CFI: variants seen among roughly 807,000 people sequenced by gnomAD.
The protein encoded by CFI is complement factor I.
CFI carries 66 observed loss-of-function variants against 78.8 expected under a neutral mutation model. The ratio of observed to expected loss-of-function variants is 0.84; its 90% CI spans 0.69 to 1.03. The LOEUF (loss-of-function observed/expected upper bound fraction) is 1.03, where lower values mean the gene tolerates loss of function less well. Ranked by LOEUF, CFI falls within the 50% of genes least tolerant of loss-of-function variation. The probability of loss-of-function intolerance (pLI) is 0.00; values close to 1 mark genes in which losing one functional copy is unlikely to be tolerated. For synonymous variants in CFI, 250 were observed against 232.6 expected (o/e 1.07, Z -0.68); for missense variants, 706 against 704.5 (o/e 1.00, Z -0.02).
downstream of CFI, among the ~76,000 whole-genome samples, chr4:109,738,112 CTT>C (rs141891533): frequency 0.85 from 110,913 of 130,348 alleles, 48,047 homozygotes; most frequent in Non-Finnish European, 0.95. Flanking sequence ...GAGTACTTTT[CTT>C]TTTTTTTTTT....
chr4:109,752,598 C>A lies in CFI; in HGVS notation c.905-95G>T, dbSNP rs80236313. Reference sequence around the variant, plus strand: ...TTTAAACACTGATTATAATTTTCTGCCTTAAAACTTATCCTCCCTTTTATA... The same window carrying A: ...TTTAAACACTGATTATAATTTTCTGACTTAAAACTTATCCTCCCTTTTATA... On this transcript the variant is annotated intron_variant, in intron 7 of 12. Coordinates refer to ENST00000394634, the MANE Select transcript of CFI (RefSeq NM_000204.5). 1.2e-3 allele frequency: 1,266 copies of A among 1,067,032 alleles called. 12 individuals are homozygous for A. The African/African-American group carries it at 0.018, about 15-fold the overall frequency. The allele number at this position is 1,067,032 out of a possible 1,614,324, so 66.1% of individuals were successfully genotyped here. A position where few individuals can be genotyped will look rare whatever the true frequency, so the allele number is the denominator to read the frequency against.
At chr4:109,735,287 A>C in the CFI span, among the ~76,000 whole-genome samples, 17 of 152,260 alleles carry the variant, frequency 1.1e-4, no homozygotes, top group East Asian at 1.7e-3. Flanking sequence ...AACTTCCCAG[A>C]ACAATAATCA....
intron 10 of CFI, among the ~76,000 whole-genome samples, chr4:109,747,334 G>A (rs1724598080): frequency 7.0e-6 from 1 of 143,022 alleles, no homozygotes; most frequent in African/African-American, 2.6e-5. Context: ...ACAGGCATGT[G>A]CCACCACATT....
At chr4:109,788,958 T>C (rs1032360116) in intron 1 of CFI, among the ~76,000 whole-genome samples, 3 of 151,884 alleles carry the variant, frequency 2.0e-5, no homozygotes, top group Admixed American at 1.3e-4. Flanking sequence ...TTAACATTAC[T>C]AGGCAAGGAG....
intron 1 of CFI, among the ~76,000 whole-genome samples, chr4:109,797,812 G>A (rs899414542): frequency 1.1e-4 from 17 of 152,214 alleles, no homozygotes; most frequent in East Asian, 7.7e-4. Flanking sequence ...TACTTGAAAA[G>A]GTGTTTAATA....
chr4:109,776,694 A>C (rs556830616), intron 1 of CFI, among the ~76,000 whole-genome samples: 39 of 152,346 alleles, frequency 2.6e-4, no homozygotes, highest in Non-Finnish European at 2.9e-4. Context: ...GTTGAAATGA[A>C]GGAAAAAATA....
chr4:109,751,689 CT>C (rs1725160007), intron 8 of CFI, among the ~76,000 whole-genome samples: 1 of 152,132 alleles, frequency 6.6e-6, no homozygotes, highest in African/African-American at 2.4e-5. Flanking sequence ...AATCCGCCTG[CT>C]TTGGCCTCCC....
At chr4:109,766,877 T>C in intron 1 of CFI, 53 bp from the exon 2 acceptor site, 1 of 1,582,552 alleles carries the variant, frequency 6.3e-7, no homozygotes, top group Non-Finnish European at 8.7e-7. Context: ...GACTCCTGTT[T>C]GAAGATGAGT....
At chr4:109,751,822 A>G (rs1007772022) in intron 8 of CFI, among the ~76,000 whole-genome samples, 2 of 152,294 alleles carry the variant, frequency 1.3e-5, no homozygotes, top group Non-Finnish European at 1.5e-5. Flanking sequence ...GTCTACATGA[A>G]CTTCATTTAA....
chr4:109,749,330 G>C lies in CFI; in HGVS notation c.1045-9C>G. On this transcript the variant is annotated splice_polypyrimidine_tract_variant and intron_variant, in intron 9 of 12. Coordinates refer to ENST00000394634, the MANE Select transcript of CFI (RefSeq NM_000204.5). ...TGCCATGGGAGGTCTCCCTGTAAAA[G>C]ACATTTGTGTGGTCACTGCCATTCT... 1 of 1,611,364 alleles carries C rather than the reference G, an allele frequency of 6.2e-7. No homozygotes were observed. The highest frequency in any genetic ancestry group is 1.1e-5 in the South Asian group (1 of 91,042).
At chr4:109,754,849 G>A (rs960483948) in intron 7 of CFI, among the ~76,000 whole-genome samples, 1 of 152,108 alleles carries the variant, frequency 6.6e-6, no homozygotes, top group African/African-American at 2.4e-5. Flanking sequence ...GGTGTACTAG[G>A]TATTAGAAGA....
chr4:109,792,127 A>G (rs772331982), intron 1 of CFI, among the ~76,000 whole-genome samples: 2 of 152,182 alleles, frequency 1.3e-5, no homozygotes, highest in Non-Finnish European at 2.9e-5. Context: ...TGCGCTTGAG[A>G]AAAATGTGTA....
At chr4:109,749,471 T>G (rs1724873875) in intron 9 of CFI, 28 bp downstream of exon 9, 1 of 1,571,624 alleles carries the variant, frequency 6.4e-7, no homozygotes, top group South Asian at 1.1e-5. Flanking sequence ...TCTGGGCAGT[T>G]GCATTGTGAC....
At chr4:109,769,935 T>G (rs1728349425) in intron 1 of CFI, among the ~76,000 whole-genome samples, 1 of 152,094 alleles carries the variant, frequency 6.6e-6, no homozygotes, top group South Asian at 2.1e-4. Context: ...AGTTCTTTTT[T>G]CTCCTCAGAC....
chr4:109,794,100 G>A (rs774901444), intron 1 of CFI: 1 of 152,122 alleles, frequency 6.6e-6, no homozygotes, highest in Admixed American at 6.5e-5. Context: ...TGATTATAAT[G>A]TGTCTTGGTT....
intron 8 of CFI, 85 bp from the exon 9 acceptor site, chr4:109,749,687 A>C: frequency 1.2e-6 from 1 of 843,246 alleles, no homozygotes; most frequent in Non-Finnish European, 2.0e-6. Context: ...ATGCCACAAA[A>C]ACAGGAGAGT....
At position 109,764,584 on chromosome 4, in the gene CFI, C is replaced by A; in HGVS notation, c.435G>T (p.Trp145Cys). The A allele has an allele frequency of 1.2e-6, 2 of 1,614,156 alleles. No individual in the cohort carries two copies. Among genetic ancestry groups the A allele is most frequent in the Non-Finnish European group, 1.7e-6 (2 of 1,180,018 alleles). Residue 145 changes from tryptophan to cysteine, a missense_variant, in exon 3 of 13, where the codon TGG becomes TGT. Trp to Cys is a radical substitution (Grantham distance 215, BLOSUM62 -2). Transcript: ENST00000394634. ...AGGCCACGTTGGCTTCCCTCATGCT[C>A]CAGCTGCTTTTGCATATGAACATTG... ...DKTMFICKSS[W>C]SMREANVACL...
intron 1 of CFI, chr4:109,793,691 C>T (rs971368171): frequency 1.3e-5 from 2 of 152,226 alleles, no homozygotes; most frequent in African/African-American, 4.8e-5. Context: ...CTACACCTAG[C>T]TAATTTTATT....
At chr4:109,742,807 T>C (rs1038134304) in intron 11 of CFI, among the ~76,000 whole-genome samples, 6 of 152,200 alleles carry the variant, frequency 3.9e-5, no homozygotes, top group Admixed American at 2.6e-4. Flanking sequence ...ACATATGGTC[T>C]GAAGTCACAT....
Sources: gnomAD v4.1 joint callset for allele counts (sites outside exome capture counted in the v4.1 genomes callset) on GRCh38, gnomAD v4.1.1 for gene constraint, MANE v1.5 for transcripts, NCBI Gene and HGNC (gene_info 2026-07-23, HGNC 2026-07-21) for gene names.